Variants in MAGI2 observed in about 807,000 individuals in gnomAD.
MAGI2 encodes membrane associated guanylate kinase, WW and PDZ domain containing 2.
Under a neutral mutation model 133.3 loss-of-function variants are expected in MAGI2, and 35 were observed. The ratio of observed to expected loss-of-function variants is 0.26; its 90% CI spans 0.20 to 0.35. MAGI2 has a LOEUF of 0.35. Ranked by LOEUF, MAGI2 falls within the 10% of genes least tolerant of loss-of-function variation. The pLI is 1.00. For synonymous variants in MAGI2, 729 were observed against 710.6 expected, an observed-to-expected ratio of 1.03 and a Z score of -0.41; for missense variants, 1,636 against 1,863.4, an observed-to-expected ratio of 0.88 and a Z score of 2.25.
Position 78,256,495 on chromosome 7 carries a change from C to G in MAGI2, c.1495G>C (p.Gly499Arg), listed in dbSNP as rs1456010253. The G allele has an allele frequency of 1.2e-6, 2 of 1,613,620 alleles. No homozygotes were observed. Among genetic ancestry groups the G allele is most frequent in the African/African-American group, 1.3e-5 (1 of 74,800 alleles). The change falls in exon 10 of 22, where the codon GGT (glycine) becomes CGT (arginine). Residue 499 changes from glycine (G) to arginine (R), a missense_variant. Gly to Arg is a moderately radical substitution (Grantham distance 125). This residue lies in a region of MAGI2 where 920 missense variants were observed against 1,093.5 expected (regional missense o/e 0.84). Transcript: ENST00000354212. ...VVKLFQSVPI[G>R]QSVNLVLCRG... is the part of the protein sequence containing the mutation. ...CACAACACCAGGTTGACACTCTGACCAATAGGAACAGACTGGAAAAGTTTG... is the reference window on the plus strand; with the variant it reads ...CACAACACCAGGTTGACACTCTGACGAATAGGAACAGACTGGAAAAGTTTG...
intron 1 of MAGI2, among the ~76,000 whole-genome samples, chr7:79,238,999 A>G (rs1056914100): frequency 6.6e-6 from 1 of 152,314 alleles, no homozygotes; most frequent in Non-Finnish European, 1.5e-5. Flanking sequence ...TTTAGAACAC[A>G]TATAATAATA....
At chr7:78,826,852 G>A (rs508733) in intron 2 of MAGI2, among the ~76,000 whole-genome samples, 61,072 of 151,884 alleles carry the variant, frequency 0.4, 12,611 homozygotes, top group Admixed American at 0.48. Flanking sequence ...TCTAGTTCGC[G>A]AAAGTGTGCA....
At chr7:78,171,591 A>C (rs749635315) in intron 14 of MAGI2, among the ~76,000 whole-genome samples, 1 of 152,170 alleles carries the variant, frequency 6.6e-6, no homozygotes, top group Non-Finnish European at 1.5e-5. Flanking sequence ...ATCACGTCCC[A>C]AGTTGGCTGA....
chr7:78,063,507 G>T (rs1395786042), intron 21 of MAGI2, among the ~76,000 whole-genome samples: 2 of 152,166 alleles, frequency 1.3e-5, no homozygotes, highest in Non-Finnish European at 2.9e-5. Flanking sequence ...CTCCTAAAAT[G>T]TTGGGATTAC....
intron 1 of MAGI2, among the ~76,000 whole-genome samples, chr7:79,391,516 T>TATATAGAC (rs1844624802): frequency 1.9e-5 from 1 of 52,144 alleles, no homozygotes; most frequent in African/African-American, 2.4e-4. Context: ...GACATATATA[T>TATATAGAC]ATATATATAT....
intron 3 of MAGI2, chr7:78,616,753 G>C (rs1444633407): frequency 6.6e-6 from 1 of 152,184 alleles, no homozygotes; most frequent in Non-Finnish European, 1.5e-5. Flanking sequence ...CCAAGAAAGT[G>C]GATATGCCCC....
chr7:78,748,695 TA>T (rs56050733), intron 2 of MAGI2, among the ~76,000 whole-genome samples: 1 of 151,956 alleles, frequency 6.6e-6, no homozygotes, highest in Admixed American at 6.6e-5. Context: ...TACTCTGATG[TA>T]AAAAAGATAT....
At chr7:78,791,805 C>T (rs531888358) in intron 2 of MAGI2, among the ~76,000 whole-genome samples, 54 of 152,228 alleles carry the variant, frequency 3.5e-4, no homozygotes, top group African/African-American at 1.1e-3. Context: ...CAGTGTCAGG[C>T]TCCCAAAATG....
At chr7:79,082,672 GT>G in intron 1 of MAGI2, among the ~76,000 whole-genome samples, 1 of 152,072 alleles carries the variant, frequency 6.6e-6, no homozygotes, top group African/African-American at 2.4e-5. Flanking sequence ...TTTCAAGTTG[GT>G]TTTGGTTATT....
At chr7:79,100,650 T>A (rs545541964) in intron 1 of MAGI2, among the ~76,000 whole-genome samples, 56 of 151,712 alleles carry the variant, frequency 3.7e-4, no homozygotes, top group African/African-American at 1.1e-3. Context: ...TAAAATTTTT[T>A]AAAAAATTAT....
At chr7:78,754,214 CA>C (rs1220425650) in intron 2 of MAGI2, among the ~76,000 whole-genome samples, 1 of 151,500 alleles carries the variant, frequency 6.6e-6, no homozygotes, top group Non-Finnish European at 1.5e-5. Context: ...CTGCTATCTA[CA>C]AAAAAATTAG....
At chr7:78,996,919 A>G (rs1806360576) in intron 2 of MAGI2, among the ~76,000 whole-genome samples, 1 of 152,194 alleles carries the variant, frequency 6.6e-6, no homozygotes, top group Non-Finnish European at 1.5e-5. Context: ...AACTCAGAGC[A>G]AGACCTGTAA....
chr7:78,753,717 CA>C lies in MAGI2; in HGVS notation c.419-126479del, dbSNP rs560397759. 3.1e-3 allele frequency among the ~76,000 whole-genome samples: 397 copies of C among 126,338 alleles called. 1 individual carries two copies. Among genetic ancestry groups the C allele is most frequent in the Admixed American group, 3.6e-3 (45 of 12,468 alleles). 82.9% of individuals were successfully genotyped at this position (126,338 alleles called of 152,430 possible). A position where few individuals can be genotyped will look rare whatever the true frequency, so the allele number is the denominator to read the frequency against. On this transcript the variant is annotated intron_variant, in intron 2 of 21. Coordinates refer to ENST00000354212, the MANE Select transcript of MAGI2 (RefSeq NM_012301.4). ...CACTCCCACTGCTTCACTTAACTAG[CA>C]AAAAAAAAAAAAATCAAATCATAAC...
chr7:78,656,501 A>C (rs1456160602), intron 2 of MAGI2, among the ~76,000 whole-genome samples: 3 of 152,206 alleles, frequency 2.0e-5, no homozygotes, highest in Non-Finnish European at 4.4e-5. Flanking sequence ...AACAGAGAGT[A>C]GAACAGTGGT....
At chr7:79,066,589 C>T (rs1814357718) in intron 1 of MAGI2, among the ~76,000 whole-genome samples, 3 of 152,026 alleles carry the variant, frequency 2.0e-5, no homozygotes, top group Admixed American at 2.0e-4. Context: ...GTTTCTTTTG[C>T]TGTGCAGAAG....
chr7:79,261,881 T>C (rs11974872), intron 1 of MAGI2, among the ~76,000 whole-genome samples: 3,583 of 152,262 alleles, frequency 0.024, 46 homozygotes, highest in East Asian at 0.038. Flanking sequence ...ATGACTTTAG[T>C]CTTCTGGGAA....
At chr7:78,241,070 G>A (rs1791085297) in intron 10 of MAGI2, among the ~76,000 whole-genome samples, 1 of 151,828 alleles carries the variant, frequency 6.6e-6, no homozygotes, top group South Asian at 2.1e-4. Context: ...CTTGAGGCAG[G>A]GACTTTGTTT....
rs537833839 is a variant in MAGI2, at chr7:78,749,384, G to A, written c.419-122145C>T. ...TTTCATGGAGCTTATGTTTTCGGGA[G>A]GAAGCAAGATAAATGTAATTAGTAG... On this transcript the variant is annotated intron_variant, in intron 2 of 21. Transcript: ENST00000354212. Among the ~76,000 whole-genome samples, 20 of 152,248 alleles carry A rather than the reference G, an allele frequency of 1.3e-4. No individual in the cohort carries two copies. The South Asian group carries it at 3.3e-3, about 25-fold the overall frequency.
intron 9 of MAGI2, among the ~76,000 whole-genome samples, chr7:78,299,870 C>T (rs974242979): frequency 1.3e-5 from 2 of 151,926 alleles, no homozygotes; most frequent in Non-Finnish European, 2.9e-5. Flanking sequence ...TAATTTAATA[C>T]AATTAAGAAG....
Sources: allele counts gnomAD v4.1 joint callset (sites outside exome capture counted in the v4.1 genomes callset), GRCh38; gene constraint gnomAD v4.1.1; regional missense constraint gnomAD v4.1.1; transcripts MANE v1.5; gene names NCBI Gene and HGNC (gene_info 2026-07-23, HGNC 2026-07-21).